Variants in SLC71A2 observed in about 807,000 individuals in gnomAD.
SLC71A2 encodes the protein hippocampus abundant transcript-like 1.
chr9:94,426,857 C>G, the SLC71A2 span, among the ~76,000 whole-genome samples: 1 of 151,958 alleles, frequency 6.6e-6, no homozygotes, highest in African/African-American at 2.4e-5. Context: ...TAGATAGATA[C>G]AAGGTCTTGC....
the SLC71A2 span, chr9:94,454,009 C>T: frequency 1.2e-6 from 2 of 1,614,148 alleles, no homozygotes; most frequent in Non-Finnish European, 1.7e-6. Flanking sequence ...GAATACTGTC[C>T]TCCTTGGCTT....
At chr9:94,451,845 C>G in the SLC71A2 span, among the ~76,000 whole-genome samples, 2 of 152,206 alleles carry the variant, frequency 1.3e-5, no homozygotes, top group African/African-American at 2.4e-5. Flanking sequence ...GACCAGGCAG[C>G]CCAGCCTGGT....
chr9:94,449,713 T>C, the SLC71A2 span, among the ~76,000 whole-genome samples: 1 of 152,186 alleles, frequency 6.6e-6, no homozygotes, highest in African/African-American at 2.4e-5. Flanking sequence ...TCAGCAAATA[T>C]ACTCCTAGGT....
the SLC71A2 span, among the ~76,000 whole-genome samples, chr9:94,395,476 A>G: frequency 6.6e-6 from 1 of 152,082 alleles, no homozygotes; most frequent in African/African-American, 2.4e-5. Context: ...AGTGCTTAGC[A>G]CAGCAGCTTA....
At chr9:94,420,747 A>G in the SLC71A2 span, among the ~76,000 whole-genome samples, 943 of 151,944 alleles carry the variant, frequency 6.2e-3, 8 homozygotes, top group African/African-American at 0.021. Flanking sequence ...AAAGATATAA[A>G]AAGTAGCCAG....
chr9:94,448,375 C>A, the SLC71A2 span, among the ~76,000 whole-genome samples: 1 of 152,246 alleles, frequency 6.6e-6, no homozygotes, highest in East Asian at 1.9e-4. Flanking sequence ...CAAAAACTTC[C>A]CCTTTCAACT....
the SLC71A2 span, among the ~76,000 whole-genome samples, chr9:94,399,890 C>G: frequency 2.0e-4 from 30 of 151,686 alleles, no homozygotes; most frequent in African/African-American, 7.3e-4. Context: ...ACTACAACCT[C>G]TGCCTCCTGG....
At chr9:94,422,194 G>C in the SLC71A2 span, among the ~76,000 whole-genome samples, 1 of 152,154 alleles carries the variant, frequency 6.6e-6, no homozygotes, top group Non-Finnish European at 1.5e-5. Context: ...ATTGCTGGAG[G>C]GATTAAATGC....
chr9:94,400,642 G>T, the SLC71A2 span, among the ~76,000 whole-genome samples: 1 of 151,230 alleles, frequency 6.6e-6, no homozygotes, highest in Non-Finnish European at 1.5e-5. Context: ...CCTTTAGTGA[G>T]GTTGTTTCCT....
the SLC71A2 span, among the ~76,000 whole-genome samples, chr9:94,444,028 G>GT: frequency 2.6e-5 from 4 of 152,060 alleles, no homozygotes; most frequent in African/African-American, 9.7e-5. Context: ...GATATACTGT[G>GT]TTTTTTAATT....
At chr9:94,424,727 CTTTTT>C in the SLC71A2 span, among the ~76,000 whole-genome samples, 16,273 of 91,602 alleles carry the variant, frequency 0.18, 698 homozygotes, top group African/African-American at 0.29. Flanking sequence ...TTGTTTTCTG[CTTTTT>C]TTTTTTTTTT....
chr9:94,374,996 G>T, the SLC71A2 span: 1 of 1,120,646 alleles, frequency 8.9e-7, no homozygotes. Flanking sequence ...CCCAGGGCCC[G>T]CGAGCCCGCC....
chr9:94,429,424 A>G, the SLC71A2 span, among the ~76,000 whole-genome samples: 6 of 152,318 alleles, frequency 3.9e-5, no homozygotes, highest in Non-Finnish European at 7.3e-5. Context: ...ACACAAATAC[A>G]TAAGGCATAG....
the SLC71A2 span, among the ~76,000 whole-genome samples, chr9:94,426,903 T>C: frequency 6.6e-6 from 1 of 152,218 alleles, no homozygotes; most frequent in Non-Finnish European, 1.5e-5. Context: ...GGTGCAATCA[T>C]AGCTCACTGC....
At chr9:94,441,493 C>T in the SLC71A2 span, among the ~76,000 whole-genome samples, 1 of 152,210 alleles carries the variant, frequency 6.6e-6, no homozygotes, top group Non-Finnish European at 1.5e-5. Context: ...TGAGAAACTA[C>T]CCCCATGATC....
chr9:94,438,262 T>C, the SLC71A2 span: 1 of 1,168,816 alleles, frequency 8.6e-7, no homozygotes, highest in Non-Finnish European at 1.2e-6. Context: ...TAGTTGTAGT[T>C]TGTATTTAAT....
At chr9:94,447,217 T>G in the SLC71A2 span, among the ~76,000 whole-genome samples, 1 of 151,886 alleles carries the variant, frequency 6.6e-6, no homozygotes, top group Non-Finnish European at 1.5e-5. Context: ...TTTGCTCTTG[T>G]CCACCAGGCT....
At chr9:94,419,540 C>T in the SLC71A2 span, among the ~76,000 whole-genome samples, 143 of 152,196 alleles carry the variant, frequency 9.4e-4, 1 homozygote, top group African/African-American at 3.0e-3. Context: ...CTCCTGACCT[C>T]GTGATCCGCC....
the SLC71A2 span, among the ~76,000 whole-genome samples, chr9:94,445,372 A>C: frequency 6.6e-6 from 1 of 152,182 alleles, no homozygotes; most frequent in Non-Finnish European, 1.5e-5. Context: ...ATTGGTACTT[A>C]AGCATGTCAT....
Sources: gnomAD v4.1 joint callset for allele counts (sites outside exome capture counted in the v4.1 genomes callset) on GRCh38, gnomAD v4.1.1 for gene constraint, MANE v1.5 for transcripts, NCBI Gene and HGNC (gene_info 2026-07-23, HGNC 2026-07-21) for gene names.